The following ADAMTS9 variants were observed in gnomAD, a reference collection of about 807,000 sequenced individuals.
ADAMTS9 encodes ADAM metallopeptidase with thrombospondin type 1 motif 9.
ADAMTS9 carries 107 observed loss-of-function variants against 257.1 expected under a neutral mutation model. The ratio of observed to expected loss-of-function variants is 0.42; its 90% CI spans 0.36 to 0.49. The LOEUF (loss-of-function observed/expected upper bound fraction) is 0.49. Ranked by LOEUF, ADAMTS9 falls within the 20% of genes least tolerant of loss-of-function variation. The pLI is 0.03. For missense variants in ADAMTS9, 2,353 were observed against 2,469.1 expected, an observed-to-expected ratio of 0.95 and a Z score of 1.00; for synonymous variants, 982 against 880.9, an observed-to-expected ratio of 1.11 and a Z score of -2.03.
chr3:64,675,590 G>T (rs1701605738), intron 3 of ADAMTS9, among the ~76,000 whole-genome samples: 1 of 152,152 alleles, frequency 6.6e-6, no homozygotes, highest in Non-Finnish European at 1.5e-5. Flanking sequence ...CTGCACTTCA[G>T]CCTGGGCAAC....
intron 30 of ADAMTS9, among the ~76,000 whole-genome samples, chr3:64,558,664 C>T (rs903446908): frequency 2.6e-5 from 4 of 152,096 alleles, no homozygotes; most frequent in South Asian, 2.1e-4. Context: ...CCATATCCTA[C>T]GGACCAAGCA....
At chr3:64,567,790 G>A (rs1179205963) in intron 29 of ADAMTS9, among the ~76,000 whole-genome samples, 1 of 151,706 alleles carries the variant, frequency 6.6e-6, no homozygotes, top group East Asian at 1.9e-4. Context: ...CAAAGCGCTG[G>A]GCATTCATGA....
Position 64,585,343 on chromosome 3 carries a change from C to A in ADAMTS9, c.4356+8915G>T, listed in dbSNP as rs139274298. On this transcript the variant is annotated intron_variant, in intron 28 of 39. Coordinates refer to ENST00000498707, the MANE Select transcript of ADAMTS9 (RefSeq NM_182920.2). Reference sequence around the variant, plus strand: ...CACCTGCCACATGGACTAAGGAATACAGAGGTAGTTGTGAGAATGAGGGGT... The same window carrying A: ...CACCTGCCACATGGACTAAGGAATAAAGAGGTAGTTGTGAGAATGAGGGGT... Among the ~76,000 whole-genome samples, 768 of 152,158 alleles carry A rather than the reference C, an allele frequency of 5.0e-3. 3 individuals are homozygous for A. Among genetic ancestry groups the A allele is most frequent in the African/African-American group, 0.018 (727 of 41,536 alleles).
chr3:64,650,927 G>T, intron 9 of ADAMTS9, 90 bp downstream of exon 9: 3 of 1,224,736 alleles, frequency 2.4e-6, no homozygotes, highest in South Asian at 3.1e-5. Flanking sequence ...CAAAAGGAAT[G>T]TTTGACTTCA....
chr3:64,517,416 GTTTTTT>G (rs755480110), intron 39 of ADAMTS9, among the ~76,000 whole-genome samples: 8 of 52,638 alleles, frequency 1.5e-4, no homozygotes, highest in South Asian at 3.1e-3. Context: ...ATTAAAAATG[GTTTTTT>G]TTTTTTTTTT....
chr3:64,523,401 G>T (rs763712273), intron 38 of ADAMTS9, among the ~76,000 whole-genome samples: 1 of 152,144 alleles, frequency 6.6e-6, no homozygotes, highest in Non-Finnish European at 1.5e-5. Context: ...GGAACTAGTG[G>T]AATAGTGGAA....
chr3:64,527,398 C>A (rs773490798), intron 38 of ADAMTS9, among the ~76,000 whole-genome samples: 81 of 151,998 alleles, frequency 5.3e-4, no homozygotes, highest in Non-Finnish European at 5.4e-4. Context: ...GACCAGCATA[C>A]CTTTGACTGG....
intron 38 of ADAMTS9, among the ~76,000 whole-genome samples, chr3:64,523,299 A>G (rs1291757204): frequency 2.0e-5 from 3 of 152,212 alleles, no homozygotes; most frequent in Admixed American, 2.0e-4. Context: ...GTCCACACAT[A>G]TTACTGATGT....
intron 28 of ADAMTS9, among the ~76,000 whole-genome samples, chr3:64,577,498 C>T (rs11711515): frequency 0.27 from 40,750 of 152,046 alleles, 6,201 homozygotes; most frequent in African/African-American, 0.39. Context: ...ACAGGGAGGG[C>T]GGTGGGTGAG....
At position 64,539,283 on chromosome 3, in the gene ADAMTS9, G is replaced by A. The variant is rs146166559; in HGVS notation, c.5533C>T (p.Gln1845Ter). ...TSMQIITTDL[Q>*]FARTSEGHPV... ...TGTCCTTCGCTTGTCCTTGCAAACT[G>A]TAAGTCAGTGGCTGTGGGGTGGAGA... Residue 1845 changes from glutamine to a stop codon, truncating the protein, a stop_gained, in exon 37 of 40, where the codon CAG (glutamine) becomes TAG (stop). Coordinates refer to ENST00000498707, the MANE Select transcript of ADAMTS9 (RefSeq NM_182920.2). LOFTEE classifies it high-confidence loss of function. 1 of 1,613,972 alleles carries A rather than the reference G, an allele frequency of 6.2e-7. No homozygotes were observed.
intron 19 of ADAMTS9, among the ~76,000 whole-genome samples, chr3:64,617,069 C>T (rs1300520455): frequency 1.3e-5 from 2 of 152,142 alleles, no homozygotes; most frequent in African/African-American, 4.8e-5. Flanking sequence ...AATAGAGTGA[C>T]ACCATATTTG....
intron 38 of ADAMTS9, among the ~76,000 whole-genome samples, chr3:64,522,966 C>G (rs1434206544): frequency 6.6e-6 from 1 of 152,018 alleles, no homozygotes; most frequent in Admixed American, 6.6e-5. Flanking sequence ...AAACTAAATA[C>G]TCATCACAAT....
In ADAMTS9 at chr3:64,541,986, G is replaced by A; in HGVS notation, c.5065-16C>T. 6.2e-7 allele frequency: 1 copy of A among 1,613,864 alleles called. No homozygotes were observed. The highest frequency in any genetic ancestry group is 8.5e-7 in the Non-Finnish European group (1 of 1,179,880). On this transcript the variant is annotated splice_polypyrimidine_tract_variant and intron_variant, in intron 32 of 39. Coordinates refer to ENST00000498707, the MANE Select transcript of ADAMTS9 (RefSeq NM_182920.2). The stretch of plus-strand genomic sequence containing the variant: ...ACACTGAGCACTGTAAGACAAATGA[G>A]AGTCAGCGGTGTGGCTATGGAATGT...
intron 30 of ADAMTS9, 129 bp from the exon 31 acceptor site, chr3:64,551,191 C>T: frequency 8.9e-7 from 1 of 1,117,952 alleles, no homozygotes; most frequent in Non-Finnish European, 1.3e-6. Flanking sequence ...TGCCAGAGAA[C>T]TTCTCGTTTT....
chr3:64,582,390 G>C (rs999978684), intron 28 of ADAMTS9: 10 of 152,110 alleles, frequency 6.6e-5, no homozygotes, highest in African/African-American at 2.4e-4. Context: ...ACAATATAAG[G>C]ATTTCACTTC....
At chr3:64,558,526 C>T (rs1362863562) in intron 30 of ADAMTS9, among the ~76,000 whole-genome samples, 1 of 152,126 alleles carries the variant, frequency 6.6e-6, no homozygotes, top group East Asian at 1.9e-4. Flanking sequence ...TGGCATCCCT[C>T]AAAGTTGTGC....
chr3:64,682,876 A>G (rs1021159902), intron 2 of ADAMTS9, among the ~76,000 whole-genome samples: 5 of 152,202 alleles, frequency 3.3e-5, no homozygotes, highest in African/African-American at 1.2e-4. Context: ...TAGCTTCAAA[A>G]TTGCCTGGGA....
rs763247590 is a variant in ADAMTS9, at chr3:64,533,170, G to C, written c.5714C>G (p.Ser1905Trp). ...GNYAVSDIKK[S>W]PDGTRVVGKC... is the part of the protein sequence containing the mutation. ...AACCCATCTGTAGAACCTTACCGGC[G>C]ACTTCTTGATGTCAGAGACAGCATA... is the stretch of plus-strand genomic sequence containing the variant. Residue 1905 changes from serine (S) to tryptophan (W), a missense_variant, in exon 38 of 40, where the codon TCG (serine) becomes TGG (tryptophan). Physicochemically the swap from Ser to Trp is radical, Grantham distance 177. Around this residue, in one of 3 missense-constraint regions of ADAMTS9, gnomAD observed 1,402 missense variants for 1,441.4 expected, o/e 0.97. Coordinates refer to ENST00000498707, the MANE Select transcript of ADAMTS9 (RefSeq NM_182920.2). The C allele has an allele frequency of 6.2e-7, 1 of 1,611,934 alleles. No homozygotes were observed.
At chr3:64,522,504 T>C in intron 38 of ADAMTS9, 1 of 345,420 alleles carries the variant, frequency 2.9e-6, no homozygotes, top group Non-Finnish European at 5.2e-6. Flanking sequence ...TTTTAAATAA[T>C]TGAGAAAAAG....
Sources: gnomAD v4.1 joint callset for allele counts (sites outside exome capture counted in the v4.1 genomes callset) on GRCh38, gnomAD v4.1.1 for gene constraint, gnomAD v4.1.1 regional missense constraint, MANE v1.5 for transcripts, NCBI Gene and HGNC (gene_info 2026-07-23, HGNC 2026-07-21) for gene names.